Variants in GLI3 observed in about 807,000 individuals in gnomAD.
GLI3 encodes GLI family zinc finger 3, also known as transcription activator GLI3.
A neutral mutation model predicts 100.8 loss-of-function variants in GLI3; 20 were observed. The ratio of observed to expected loss-of-function variants is 0.20; its 90% CI spans 0.14 to 0.29. GLI3 has a LOEUF of 0.29. Ranked by LOEUF, GLI3 falls within the 10% of genes least tolerant of loss-of-function variation. The probability of loss-of-function intolerance (pLI) is 1.00; values close to 1 mark genes in which losing one functional copy is unlikely to be tolerated. For synonymous variants in GLI3, 938 were observed against 860.5 expected (o/e 1.09, Z -1.58); for missense variants, 2,040 against 2,128.5 (o/e 0.96, Z 0.82).
At chr7:42,000,262 C>T (rs1360376764) in intron 10 of GLI3, among the ~76,000 whole-genome samples, 1 of 152,116 alleles carries the variant, frequency 6.6e-6, no homozygotes, top group Non-Finnish European at 1.5e-5. Context: ...AGATCCAGGA[C>T]AAAAGAAAGA....
intron 2 of GLI3, among the ~76,000 whole-genome samples, chr7:42,207,648 G>GCTAT (rs1788182164): frequency 6.6e-6 from 1 of 152,164 alleles, no homozygotes; most frequent in Non-Finnish European, 1.5e-5. Context: ...ATAGGGGATT[G>GCTAT]ATTGAGTAAA....
intron 2 of GLI3, among the ~76,000 whole-genome samples, chr7:42,181,750 A>G (rs1453211922): frequency 1.3e-5 from 2 of 152,308 alleles, no homozygotes; most frequent in East Asian, 3.9e-4. Flanking sequence ...ACATTCCCCT[A>G]AGATGACTAT....
At chr7:42,215,758 CAACTTGTGCCAATTTCAGG>C (rs1788364022) in intron 2 of GLI3, among the ~76,000 whole-genome samples, 1 of 152,112 alleles carries the variant, frequency 6.6e-6, no homozygotes, top group East Asian at 1.9e-4. Context: ...GCTAAAATCC[CAACTTGTGCCAATTTCAGG>C]ACCAGTGATT....
intron 4 of GLI3, among the ~76,000 whole-genome samples, chr7:42,073,765 G>T (rs1246010118): frequency 1.3e-5 from 2 of 152,164 alleles, no homozygotes; most frequent in African/African-American, 2.4e-5. Context: ...ACAATTGTGT[G>T]TACAAAATAA....
intron 1 of GLI3, among the ~76,000 whole-genome samples, chr7:42,226,118 T>G (rs1457783644): frequency 6.6e-6 from 1 of 152,236 alleles, no homozygotes; most frequent in African/African-American, 2.4e-5. Flanking sequence ...AAACACTCCA[T>G]TCTTAGCCAT....
At chr7:41,973,387 T>C (rs1034144837) in intron 12 of GLI3, among the ~76,000 whole-genome samples, 1 of 152,228 alleles carries the variant, frequency 6.6e-6, no homozygotes, top group African/African-American at 2.4e-5. Flanking sequence ...AATTTATAAC[T>C]AAGGTCTATA....
intron 4 of GLI3, among the ~76,000 whole-genome samples, chr7:42,060,485 G>T (rs1388654407): frequency 6.6e-6 from 1 of 151,944 alleles, no homozygotes; most frequent in African/African-American, 2.4e-5. Context: ...TGTAGTTTTA[G>T]TTCAGCAACT....
chr7:42,236,612 C>G (rs1011291283), intron 1 of GLI3, among the ~76,000 whole-genome samples: 3 of 152,182 alleles, frequency 2.0e-5, no homozygotes, highest in Non-Finnish European at 4.4e-5. Context: ...AAGGAAGGAG[C>G]CAGGCGCGTG....
intron 10 of GLI3, among the ~76,000 whole-genome samples, chr7:41,999,048 T>C (rs181498613): frequency 4.6e-5 from 7 of 152,328 alleles, no homozygotes; most frequent in African/African-American, 1.7e-4. Context: ...GTTTGCTTAG[T>C]ATGAAAAATG....
At chr7:42,045,012 T>G (rs1252788626) in intron 6 of GLI3, among the ~76,000 whole-genome samples, 1 of 152,154 alleles carries the variant, frequency 6.6e-6, no homozygotes, top group Non-Finnish European at 1.5e-5. Flanking sequence ...CTCAGCCTCC[T>G]GAGTAGCAGG....
chr7:42,116,843 T>G (rs532543194), intron 3 of GLI3, among the ~76,000 whole-genome samples: 1 of 125,668 alleles, frequency 8.0e-6, no homozygotes, highest in Admixed American at 7.4e-5. Flanking sequence ...AGAGACCTCT[T>G]ATTATGGTCT....
intron 10 of GLI3, among the ~76,000 whole-genome samples, chr7:41,980,962 T>A (rs1049335114): frequency 2.0e-5 from 3 of 152,166 alleles, no homozygotes; most frequent in Non-Finnish European, 4.4e-5. Context: ...CAGGGTTTTA[T>A]AAAAACATGT....
At chr7:42,113,506 AC>A in intron 3 of GLI3, 1 of 1,063,134 alleles carries the variant, frequency 9.4e-7, no homozygotes, top group Non-Finnish European at 1.4e-6. Flanking sequence ...CTGAGAAGGT[AC>A]CCAAAGGGAA....
chr7:42,037,889 G>A (rs913533441), intron 7 of GLI3, among the ~76,000 whole-genome samples: 5 of 152,220 alleles, frequency 3.3e-5, no homozygotes, highest in Non-Finnish European at 5.9e-5. Context: ...AAGGACTAAG[G>A]AGGCTGGGGT....
At chr7:42,260,756 C>T (rs1304191832) in intron 1 of GLI3, among the ~76,000 whole-genome samples, 1 of 152,122 alleles carries the variant, frequency 6.6e-6, no homozygotes, top group Non-Finnish European at 1.5e-5. Flanking sequence ...ATGAAGTGAA[C>T]ATGGCAACAA....
At chr7:42,144,815 G>A (rs1218358023) in intron 3 of GLI3, among the ~76,000 whole-genome samples, 2 of 152,162 alleles carry the variant, frequency 1.3e-5, no homozygotes, top group Non-Finnish European at 2.9e-5. Context: ...GAGAAATGAA[G>A]GAATTGCTGT....
At chr7:42,123,232 G>C (rs904011817) in intron 3 of GLI3, among the ~76,000 whole-genome samples, 1 of 152,188 alleles carries the variant, frequency 6.6e-6, no homozygotes, top group African/African-American at 2.4e-5. Flanking sequence ...TTTCCGGAGA[G>C]AGAATTACAC....
chr7:41,981,005 A>T (rs1787651224), intron 10 of GLI3, among the ~76,000 whole-genome samples: 1 of 152,236 alleles, frequency 6.6e-6, no homozygotes, highest in South Asian at 2.1e-4. Flanking sequence ...CAGCATCAGG[A>T]ATCAGGGTCC....
At chr7:42,018,841 A>G (rs1382283015) in intron 10 of GLI3, among the ~76,000 whole-genome samples, 1 of 152,210 alleles carries the variant, frequency 6.6e-6, no homozygotes, top group Admixed American at 6.5e-5. Flanking sequence ...GGAGGATTAC[A>G]GAGACTTGAA....
Sources: allele counts gnomAD v4.1 joint callset (sites outside exome capture counted in the v4.1 genomes callset), GRCh38; gene constraint gnomAD v4.1.1; transcripts MANE v1.5; gene names NCBI Gene and HGNC (gene_info 2026-07-23, HGNC 2026-07-21).